ZNF608: variants seen among roughly 807,000 people sequenced by gnomAD.
ZNF608 encodes zinc finger protein 608, also known as renal carcinoma antigen NY-REN-36.
ZNF608 carries 12 observed loss-of-function variants against 109.0 expected under a neutral mutation model. The observed-to-expected ratio is 0.11, with a 90% CI of 0.07 to 0.18. The LOEUF (loss-of-function observed/expected upper bound fraction) is 0.18, where lower values mean the gene tolerates loss of function less well. ZNF608 is among the 10% of genes least tolerant of loss of function. The probability of loss-of-function intolerance (pLI) is 1.00; values close to 1 mark genes in which losing one functional copy is unlikely to be tolerated. For synonymous variants in ZNF608, 732 were observed against 717.4 expected (o/e 1.02, Z -0.33); for missense variants, 1,707 against 1,879.3 (o/e 0.91, Z 1.70).
intron 3 of ZNF608, among the ~76,000 whole-genome samples, chr5:124,656,283 C>T (rs1751002767): frequency 6.6e-6 from 1 of 152,124 alleles, no homozygotes; most frequent in Non-Finnish European, 1.5e-5. Context: ...AGACACACTG[C>T]TCTGGTGTTA....
At position 124,648,067 on chromosome 5, in the gene ZNF608, T is replaced by C. The variant is rs200104947; in HGVS notation, c.2317A>G (p.Thr773Ala). The C allele has an allele frequency of 1.9e-6, 3 of 1,614,070 alleles. No homozygotes were observed. The highest frequency in any genetic ancestry group is 2.2e-5 in the East Asian group (1 of 44,876). The change falls in exon 5 of 10, where the codon ACA becomes GCA. Residue 773 changes from threonine to alanine, a missense_variant. Around this residue, in one of 7 missense-constraint regions of ZNF608, gnomAD observed 1,073 missense variants for 1,133.5 expected, o/e 0.95. Coordinates refer to ENST00000513986, the MANE Select transcript of ZNF608 (RefSeq NM_020747.3). ...TTTGGTGTAGCCTGAACAACAGTTG[T>C]TGTGAGGGAGGGCAGTCCGGGTATT... is the stretch of plus-strand genomic sequence containing the variant. ...GTIPGLPSLT[T>A]TVVQATPKSP...
In ZNF608 at chr5:124,651,288, G is replaced by C. The variant is rs144326201; in HGVS notation, c.1163-1591C>G. On this transcript the variant is annotated intron_variant, in intron 3 of 9. Coordinates refer to ENST00000513986, the MANE Select transcript of ZNF608 (RefSeq NM_020747.3). Reference sequence around the variant, plus strand: ...CACAAGACAGAACAATTGGAGGAAAGGATTCTTTATGAACACATCCCTTCA... The same window carrying C: ...CACAAGACAGAACAATTGGAGGAAACGATTCTTTATGAACACATCCCTTCA... Among the ~76,000 whole-genome samples the C allele has an allele frequency of 1.8e-4, 27 of 152,328 alleles. No individual in the cohort carries two copies. In the East Asian group the frequency reaches 5.2e-3, roughly 29 times the overall value.
chr5:124,691,276 C>T (rs1484136360), intron 3 of ZNF608, among the ~76,000 whole-genome samples: 1 of 144,288 alleles, frequency 6.9e-6, no homozygotes, highest in Non-Finnish European at 1.5e-5. Context: ...AAAAACAAAA[C>T]AAAAAAAAAA....
intron 3 of ZNF608, among the ~76,000 whole-genome samples, chr5:124,698,042 C>T (rs917728937): frequency 3.9e-5 from 6 of 152,252 alleles, no homozygotes; most frequent in African/African-American, 7.2e-5. Flanking sequence ...GTCAAAGGCA[C>T]CTGACAGTTT....
chr5:124,747,616 A>G (rs565552878), upstream of ZNF608, among the ~76,000 whole-genome samples: 8 of 128,762 alleles, frequency 6.2e-5, 1 homozygote, highest in South Asian at 1.8e-3. Context: ...CCCCCTGCAC[A>G]CACTCCCCCA....
chr5:124,652,465 T>A (rs1433262610), intron 3 of ZNF608, among the ~76,000 whole-genome samples: 3 of 152,184 alleles, frequency 2.0e-5, no homozygotes, highest in African/African-American at 7.2e-5. Flanking sequence ...CTTGTGTCTA[T>A]CTTTCTTTAT....
At chr5:124,670,917 C>A (rs182728760) in intron 3 of ZNF608, among the ~76,000 whole-genome samples, 7 of 152,140 alleles carry the variant, frequency 4.6e-5, no homozygotes, top group Non-Finnish European at 1.0e-4. Context: ...AACTTTCTAC[C>A]CCCTCCCCTT....
At chr5:124,747,646 C>G (rs557632623), upstream of ZNF608, among the ~76,000 whole-genome samples, 339 of 151,844 alleles carry the variant, frequency 2.2e-3, no homozygotes, top group African/African-American at 7.9e-3. Context: ...CCCCGCCCCC[C>G]CGCAGTGGGC....
intron 2 of ZNF608, among the ~76,000 whole-genome samples, chr5:124,731,106 G>C (rs937258518): frequency 3.9e-5 from 6 of 152,220 alleles, no homozygotes; most frequent in Admixed American, 1.3e-4. Flanking sequence ...ACATGTAGGT[G>C]AGCATCTGCA....
chr5:124,644,924 T>G (rs986826979), intron 5 of ZNF608, among the ~76,000 whole-genome samples: 1 of 152,200 alleles, frequency 6.6e-6, no homozygotes, highest in Non-Finnish European at 1.5e-5. Context: ...ATCAAGGTCA[T>G]GCTGCTGCCC....
chr5:124,718,059 G>T (rs1753774067), intron 2 of ZNF608, among the ~76,000 whole-genome samples: 1 of 152,162 alleles, frequency 6.6e-6, no homozygotes, highest in African/African-American at 2.4e-5. Context: ...CACAATCTGA[G>T]CACAGGCCCA....
intron 2 of ZNF608, among the ~76,000 whole-genome samples, chr5:124,724,024 C>T (rs889444042): frequency 4.6e-5 from 7 of 152,008 alleles, no homozygotes; most frequent in African/African-American, 1.7e-4. Flanking sequence ...AAAATTATAA[C>T]TCACAGTATT....
At chr5:124,677,550 AG>A (rs1751996306) in intron 3 of ZNF608, among the ~76,000 whole-genome samples, 1 of 152,246 alleles carries the variant, frequency 6.6e-6, no homozygotes, top group South Asian at 2.1e-4. Context: ...CTTCCAAAAA[AG>A]GGAAAAATAC....
At chr5:124,664,667 T>G (rs1751403286) in intron 3 of ZNF608, among the ~76,000 whole-genome samples, 1 of 152,158 alleles carries the variant, frequency 6.6e-6, no homozygotes, top group African/African-American at 2.4e-5. Flanking sequence ...TTGCCCCAGG[T>G]CAGAAAGTCA....
intron 3 of ZNF608, among the ~76,000 whole-genome samples, chr5:124,663,479 A>G (rs149138547): frequency 1.7e-3 from 259 of 152,346 alleles, no homozygotes; most frequent in Non-Finnish European, 3.1e-3. Flanking sequence ...TACAATGTGA[A>G]TGCTTCAAGT....
chr5:124,683,365 A>G (rs2149828056), intron 3 of ZNF608, among the ~76,000 whole-genome samples: 1 of 152,318 alleles, frequency 6.6e-6, no homozygotes, highest in South Asian at 2.1e-4. Context: ...AATGTGCTAC[A>G]TAGCAATGAA....
intron 3 of ZNF608, among the ~76,000 whole-genome samples, chr5:124,693,974 C>CTTTTTTTTCTTTTTTTTTT (rs1752724424): frequency 1.6e-5 from 1 of 60,934 alleles, no homozygotes; most frequent in African/African-American, 7.6e-5. Context: ...TTTCATTAAT[C>CTTTTTTTTCTTTTTTTTTT]TTTTTTTTTT....
intron 7 of ZNF608, 98 bp downstream of exon 7, chr5:124,643,413 G>T: frequency 2.6e-6 from 3 of 1,162,456 alleles, no homozygotes; most frequent in Non-Finnish European, 3.7e-6. Context: ...AATCACAGCT[G>T]GGTTCCGAAA....
rs1561599451 is a variant in ZNF608 at position 124,744,632 on chromosome 5, G to A, written c.358C>T (p.Pro120Ser). 6.2e-7 allele frequency: 1 copy of A among 1,614,224 alleles called. No homozygotes were observed. Among genetic ancestry groups the A allele is most frequent in the East Asian group, 2.2e-5 (1 of 44,884 alleles). ...GGAATCCCATACAAGGCAGCAGAAGGCAGAGATTTATTAGCATCCTTAGAA... is the reference window on the plus strand; with the variant it reads ...GGAATCCCATACAAGGCAGCAGAAGACAGAGATTTATTAGCATCCTTAGAA... ...KTSKDANKSLPSAALYGIPEI... is the reference protein window; with the variant it reads ...KTSKDANKSLSSAALYGIPEI... Residue 120 changes from proline (P) to serine (S), a missense_variant, in exon 2 of 10, where the codon CCT becomes TCT. Transcript: ENST00000513986. The surrounding 1 kb of genome is among the most constrained non-coding windows in gnomAD (Gnocchi z 4.5).
Sources: gnomAD v4.1 joint callset for allele counts (sites outside exome capture counted in the v4.1 genomes callset) on GRCh38, gnomAD v4.1.1 for gene constraint, gnomAD v4.1.1 regional missense constraint, Gnocchi (gnomAD v3.1) non-coding constraint, MANE v1.5 for transcripts, NCBI Gene and HGNC (gene_info 2026-07-23, HGNC 2026-07-21) for gene names.